The following PIEZO2 variants were observed in gnomAD, a reference collection of about 807,000 sequenced individuals.
PIEZO2 encodes piezo-type mechanosensitive ion channel component 2.
A neutral mutation model predicts 337.3 loss-of-function variants in PIEZO2; 172 were observed. That is an observed-to-expected ratio of 0.51 (90% CI 0.45 to 0.58). PIEZO2 has a LOEUF of 0.58. Among genes scored for constraint, PIEZO2 ranks in the 20% least tolerant of loss-of-function variants. The probability of loss-of-function intolerance (pLI) is 0.00; values close to 1 mark genes in which losing one functional copy is unlikely to be tolerated. For missense variants in PIEZO2, 3,028 were observed against 3,391.3 expected, an observed-to-expected ratio of 0.89 and a Z score of 2.66; for synonymous variants, 1,251 against 1,228.5, an observed-to-expected ratio of 1.02 and a Z score of -0.38.
chr18:10,802,085 C>CAAAAAAAAA (rs58924448), intron 9 of PIEZO2, among the ~76,000 whole-genome samples: 41 of 96,402 alleles, frequency 4.3e-4, no homozygotes, highest in East Asian at 1.5e-3. Context: ...GACTCCGTCT[C>CAAAAAAAAA]AAAAAAAAAA....
At position 10,815,904 on chromosome 18, in the gene PIEZO2, C is replaced by T. The variant is rs537380962; in HGVS notation, c.918-8630G>A. 4.6e-5 allele frequency among the ~76,000 whole-genome samples: 7 copies of T among 152,286 alleles called. No homozygotes were observed. Among genetic ancestry groups the T allele is most frequent in the Non-Finnish European group, 7.4e-5 (5 of 68,016 alleles). ...GGTCCTCTCTTACAGTTCAGTTATT[C>T]GCTCCTTACAGGTCCACAAAATTGC... is the stretch of plus-strand genomic sequence containing the variant. On this transcript the variant is annotated intron_variant, in intron 7 of 55. Coordinates refer to ENST00000674853, the MANE Select transcript of PIEZO2 (RefSeq NM_001378183.1). The surrounding 1 kb of genome is among the most constrained non-coding windows in gnomAD (Gnocchi z 4.1).
intron 33 of PIEZO2, chr18:10,739,962 T>A (rs1036072017): frequency 6.6e-6 from 1 of 152,206 alleles, no homozygotes; most frequent in African/African-American, 2.4e-5. Flanking sequence ...GAAGTTCTAC[T>A]TTATTTGATT....
rs1366902784 is a variant in PIEZO2, at chr18:11,148,107, C to A, written c.64+418G>T. Among the ~76,000 whole-genome samples, 1 of 152,124 alleles carries A rather than the reference C, an allele frequency of 6.6e-6. No individual in the cohort carries two copies. The highest frequency in any genetic ancestry group is 1.5e-5 in the Non-Finnish European group (1 of 68,034). On this transcript the variant is annotated intron_variant, in intron 1 of 55. Transcript: ENST00000674853. The surrounding 1 kb of genome is among the most constrained non-coding windows in gnomAD (Gnocchi z 5.2). The stretch of plus-strand genomic sequence containing the variant: ...ATTTGGGGTCTGGGAGAGATGGCCT[C>A]TGGGCCGTCTGGAGGCACAGCATGC...
intron 1 of PIEZO2, among the ~76,000 whole-genome samples, chr18:11,134,587 G>C (rs2040430325): frequency 6.6e-6 from 1 of 152,114 alleles, no homozygotes; most frequent in Admixed American, 6.6e-5. Context: ...TTCAATGTGT[G>C]CTCCCAGGAC....
In PIEZO2 at chr18:10,707,319, C is replaced by A. The variant is rs1212475802; in HGVS notation, c.5588+956G>T. ...TTGTAGCACCAAGGGGTGGAGGGTA[C>A]CTTCAGAGGTCAAGAAAATGGACTG... is the stretch of plus-strand genomic sequence containing the variant. On this transcript the variant is annotated intron_variant, in intron 40 of 55. Transcript: ENST00000674853. This position sits in a 1 kb window ranked among gnomAD's most constrained non-coding sequence, Gnocchi z 4.2. Among the ~76,000 whole-genome samples the A allele has an allele frequency of 6.6e-6, 1 of 152,012 alleles. No individual in the cohort carries two copies. Among genetic ancestry groups the A allele is most frequent in the Non-Finnish European group, 1.5e-5 (1 of 68,008 alleles).
intron 35 of PIEZO2, 112 bp from the exon 36 acceptor site, chr18:10,731,633 A>T (rs1464624970): frequency 7.2e-6 from 4 of 557,840 alleles, no homozygotes; most frequent in Non-Finnish European, 1.1e-5. Context: ...CACAAACTAA[A>T]CATCCCGGGC....
intron 4 of PIEZO2, among the ~76,000 whole-genome samples, chr18:10,891,341 G>A (rs990491981): frequency 6.6e-6 from 1 of 152,086 alleles, no homozygotes; most frequent in African/African-American, 2.4e-5. Flanking sequence ...AAAAGAAAGT[G>A]CATTGCTTCC....
chr18:11,010,667 C>T (rs1371714874), intron 2 of PIEZO2, among the ~76,000 whole-genome samples: 1 of 152,154 alleles, frequency 6.6e-6, no homozygotes, highest in Admixed American at 6.5e-5. Context: ...AAATGGGGGG[C>T]TCTGAGAAAA....
At chr18:10,809,565 G>T (rs1598513956) in intron 7 of PIEZO2, among the ~76,000 whole-genome samples, 4 of 128,676 alleles carry the variant, frequency 3.1e-5, no homozygotes, top group African/African-American at 1.2e-4. Context: ...ACCGCACCTG[G>T]CATCTCTCTC....
intron 36 of PIEZO2, among the ~76,000 whole-genome samples, chr18:10,720,413 GTGTATGTATATATA>G (rs1567983921): frequency 2.5e-4 from 9 of 36,680 alleles, no homozygotes; most frequent in African/African-American, 1.2e-3. Context: ...GTATGTGTAT[GTGTATGTATATATA>G]TATATATATA....
At chr18:10,946,795 C>T (rs753698493) in intron 3 of PIEZO2, among the ~76,000 whole-genome samples, 1 of 151,960 alleles carries the variant, frequency 6.6e-6, no homozygotes, top group Non-Finnish European at 1.5e-5. Flanking sequence ...ATCCAAAACA[C>T]CTATGATAGA....
At chr18:10,811,117 C>T (rs1190765254) in intron 7 of PIEZO2, among the ~76,000 whole-genome samples, 4 of 152,178 alleles carry the variant, frequency 2.6e-5, no homozygotes, top group African/African-American at 7.2e-5. Context: ...GAAGCCATTT[C>T]CCAGCACACT....
rs1054502530 is a variant in PIEZO2, at chr18:10,715,002, CACAG to C, written c.5257-76_5257-73del. 18 of 1,442,132 alleles carry C rather than the reference CACAG, an allele frequency of 1.2e-5. 1 individual carries two copies. The Admixed American group carries it at 1.3e-4, about 10-fold the overall frequency. The allele number at this position is 1,442,132 out of a possible 1,614,324, so 89.3% of individuals were successfully genotyped here. On this transcript the variant is annotated intron_variant, in intron 38 of 55. Coordinates refer to ENST00000674853, the MANE Select transcript of PIEZO2 (RefSeq NM_001378183.1). ...TGTATAGCCACCTGGCATTTCTCAA[CACAG>C]ACAGCTTTTCATACCCATGCATGCC...
chr18:11,079,073 G>T (rs2038646659), intron 1 of PIEZO2, among the ~76,000 whole-genome samples: 1 of 152,162 alleles, frequency 6.6e-6, no homozygotes, highest in Admixed American at 6.5e-5. Flanking sequence ...CACTATAGGT[G>T]TTTCCATCAG....
At chr18:10,801,514 C>T in intron 9 of PIEZO2, 86 bp from the exon 10 acceptor site, 1 of 1,225,832 alleles carries the variant, frequency 8.2e-7, no homozygotes, top group Non-Finnish European at 1.1e-6. Context: ...TTACTGTGCA[C>T]AAGCCCATTC....
Position 11,078,918 on chromosome 18 carries a change from G to C in PIEZO2, c.65-12696C>G, listed in dbSNP as rs2038642627. Among the ~76,000 whole-genome samples, 1 of 152,208 alleles carries C rather than the reference G, an allele frequency of 6.6e-6. No homozygotes were observed. The highest frequency in any genetic ancestry group is 2.4e-5 in the African/African-American group (1 of 41,452). Reference sequence around the variant, plus strand: ...ACCAGTCTAAAGAGATGTTTCCCAGGCTGCCTCAGCCTTCTGCTCTATTAC... The same window carrying C: ...ACCAGTCTAAAGAGATGTTTCCCAGCCTGCCTCAGCCTTCTGCTCTATTAC... On this transcript the variant is annotated intron_variant, in intron 1 of 55. Transcript: ENST00000674853. This position sits in a 1 kb window ranked among gnomAD's most constrained non-coding sequence, Gnocchi z 5.3.
rs2035096386 is a variant in PIEZO2 at position 10,696,547 on chromosome 18, A to G, written c.6828-8T>C. On this transcript the variant is annotated splice_region_variant and splice_polypyrimidine_tract_variant and intron_variant, in intron 45 of 55. Coordinates refer to ENST00000674853, the MANE Select transcript of PIEZO2 (RefSeq NM_001378183.1). ...ACATAGATCTCCAGCGTCCTGCAAAATGGAGACCCCCACCCCCAACCCACT... is the reference window on the plus strand; with the variant it reads ...ACATAGATCTCCAGCGTCCTGCAAAGTGGAGACCCCCACCCCCAACCCACT... 1 of 1,612,958 alleles carries G rather than the reference A, an allele frequency of 6.2e-7. No individual in the cohort carries two copies. The highest frequency in any genetic ancestry group is 8.5e-7 in the Non-Finnish European group (1 of 1,179,848).
intron 3 of PIEZO2, among the ~76,000 whole-genome samples, chr18:10,968,675 C>T (rs1324282990): frequency 1.3e-5 from 2 of 150,812 alleles, no homozygotes; most frequent in African/African-American, 5.0e-5. Context: ...TAATGTGATA[C>T]ACATTTGCAA....
At position 11,013,649 on chromosome 18, in the gene PIEZO2, G is replaced by T. The variant is rs188097489; in HGVS notation, c.161-33989C>A. On this transcript the variant is annotated intron_variant, in intron 2 of 55. Transcript: ENST00000674853. ...GATGGACCAGCCGCTGCTCCTACCA[G>T]CATTCCTGTGCTCACTCCCTGGTGG... 2.3e-3 allele frequency among the ~76,000 whole-genome samples: 347 copies of T among 152,304 alleles called. 2 individuals carry two copies. Among genetic ancestry groups the T allele is most frequent in the African/African-American group, 8.1e-3 (336 of 41,566 alleles).
Sources: gnomAD v4.1 joint callset for allele counts (sites outside exome capture counted in the v4.1 genomes callset) on GRCh38, gnomAD v4.1.1 for gene constraint, Gnocchi (gnomAD v3.1) non-coding constraint, MANE v1.5 for transcripts, NCBI Gene and HGNC (gene_info 2026-07-23, HGNC 2026-07-21) for gene names.